EPB41L4A: variants seen among roughly 807,000 people sequenced by gnomAD.
EPB41L4A encodes the protein band 4.1-like protein 4A.
EPB41L4A carries 100 observed loss-of-function variants against 108.6 expected under a neutral mutation model. The observed-to-expected ratio is 0.92, with a 90% confidence interval of 0.78 to 1.09. The LOEUF is 1.09. Ranked by LOEUF, EPB41L4A falls within the 50% of genes least tolerant of loss-of-function variation. The pLI is 0.00. For synonymous variants in EPB41L4A, 319 were observed against 289.0 expected (o/e 1.10, Z -1.05); for missense variants, 1,030 against 842.7 (o/e 1.22, Z -2.75).
intron 11 of EPB41L4A, among the ~76,000 whole-genome samples, chr5:112,238,521 A>G (rs1426181580): frequency 1.3e-5 from 2 of 152,228 alleles, no homozygotes; most frequent in Non-Finnish European, 2.9e-5. Flanking sequence ...AGACCCAAAA[A>G]GTGCATTATA....
chr5:112,403,033 T>C (rs1761871337), intron 1 of EPB41L4A, among the ~76,000 whole-genome samples: 1 of 152,020 alleles, frequency 6.6e-6, no homozygotes, highest in Non-Finnish European at 1.5e-5. Context: ...ACCCTCAGCA[T>C]TTTTAAGTTG....
rs1747677140 is a variant in EPB41L4A at position 112,216,816 on chromosome 5, G to C, written c.1088-6834C>G. Reference sequence around the variant, plus strand: ...CTATTTCTCACATTGACAGCTCAAAGTGACTTTGCCTTAATTTCACCAACT... The same window carrying C: ...CTATTTCTCACATTGACAGCTCAAACTGACTTTGCCTTAATTTCACCAACT... On this transcript the variant is annotated intron_variant, in intron 12 of 22. Coordinates refer to ENST00000261486, the MANE Select transcript of EPB41L4A (RefSeq NM_022140.5). 3.9e-5 allele frequency among the ~76,000 whole-genome samples: 6 copies of C among 152,328 alleles called. No homozygotes were observed. In the South Asian group the frequency reaches 1.2e-3, roughly 32 times the overall value.
At chr5:112,182,961 A>G (rs1226309596) in intron 18 of EPB41L4A, among the ~76,000 whole-genome samples, 1 of 152,196 alleles carries the variant, frequency 6.6e-6, no homozygotes, top group Non-Finnish European at 1.5e-5. Context: ...CAGGTTTTCT[A>G]TTACAAAAGA....
chr5:112,350,646 T>C (rs1271760405), intron 1 of EPB41L4A, among the ~76,000 whole-genome samples: 1 of 152,194 alleles, frequency 6.6e-6, no homozygotes, highest in Non-Finnish European at 1.5e-5. Flanking sequence ...AAATACACCA[T>C]ACTGGGCCTC....
chr5:112,318,620 G>T (rs1192227041), intron 1 of EPB41L4A, among the ~76,000 whole-genome samples: 1 of 152,120 alleles, frequency 6.6e-6, no homozygotes, highest in Admixed American at 6.5e-5. Context: ...GAGAGAAGTT[G>T]CCCAGCCAAG....
intron 2 of EPB41L4A, among the ~76,000 whole-genome samples, chr5:112,285,246 A>C (rs956630405): frequency 2.0e-5 from 3 of 152,202 alleles, no homozygotes; most frequent in Non-Finnish European, 4.4e-5. Flanking sequence ...AAGCACACAC[A>C]GTTTTCATTA....
upstream of EPB41L4A, chr5:112,419,670 G>A: frequency 2.2e-6 from 1 of 456,604 alleles, no homozygotes; most frequent in Non-Finnish European, 4.4e-6. Flanking sequence ...GGGCAGAGGC[G>A]AAGGTCGTCG....
chr5:112,406,756 C>T (rs1488178269), intron 1 of EPB41L4A, among the ~76,000 whole-genome samples: 1 of 147,114 alleles, frequency 6.8e-6, no homozygotes, highest in Non-Finnish European at 1.5e-5. Flanking sequence ...TTCTTCCCTC[C>T]CATGCTGCAA....
At chr5:112,243,718 G>A (rs1194473358) in intron 9 of EPB41L4A, among the ~76,000 whole-genome samples, 1 of 152,134 alleles carries the variant, frequency 6.6e-6, no homozygotes, top group Non-Finnish European at 1.5e-5. Context: ...GATGGCTACT[G>A]TCCTTCAACC....
intron 1 of EPB41L4A, among the ~76,000 whole-genome samples, chr5:112,308,687 G>A (rs1332695760): frequency 6.6e-6 from 1 of 152,138 alleles, no homozygotes; most frequent in Admixed American, 6.5e-5. Flanking sequence ...ACAGTGGCCT[G>A]TAAATGTCTC....
Position 112,262,547 on chromosome 5 carries a change from A to G in EPB41L4A, c.589T>C (p.Leu197=), listed in dbSNP as rs756290967. 2 of 1,614,180 alleles carry G rather than the reference A, an allele frequency of 1.2e-6. No individual in the cohort carries two copies. The highest frequency in any genetic ancestry group is 3.3e-5 in the Admixed American group (2 of 60,030). ...QIPSEAELNY[L]RTAKSLEMYG... The stretch of plus-strand genomic sequence containing the variant: ...ATCTCCAGGGATTTGGCAGTCCTCA[A>G]GTAATTCAGCTCAGCCTCAGAAGGA... The change falls in exon 7 of 23, where the codon TTG becomes CTG. Residue 197 remains leucine, a synonymous_variant. Transcript: ENST00000261486.
At chr5:112,233,417 A>G (rs1337772723) in intron 12 of EPB41L4A, among the ~76,000 whole-genome samples, 2 of 152,258 alleles carry the variant, frequency 1.3e-5, no homozygotes, top group African/African-American at 2.4e-5. Context: ...CTACACACAT[A>G]TGTATACATG....
chr5:112,296,764 C>A (rs892645004), intron 2 of EPB41L4A, among the ~76,000 whole-genome samples: 1 of 151,886 alleles, frequency 6.6e-6, no homozygotes, highest in Non-Finnish European at 1.5e-5. Flanking sequence ...CCCTTCCTAC[C>A]CCTTCCCTCC....
upstream of EPB41L4A, chr5:112,419,453 C>T (rs1762949087): frequency 2.8e-6 from 1 of 361,718 alleles, no homozygotes; most frequent in Non-Finnish European, 5.4e-6. Flanking sequence ...CTTGGAAAAC[C>T]CTGGAAGCGC....
chr5:112,395,624 A>G (rs909913754), intron 1 of EPB41L4A, among the ~76,000 whole-genome samples: 50 of 152,326 alleles, frequency 3.3e-4, no homozygotes, highest in Non-Finnish European at 4.4e-4. Flanking sequence ...GTGGAGAAAT[A>G]GGAACACTTT....
At chr5:112,153,218 C>CA (rs1759532927) in intron 12 of EPB41L4A, among the ~76,000 whole-genome samples, 1 of 144,406 alleles carries the variant, frequency 6.9e-6, no homozygotes, top group African/African-American at 2.6e-5. Flanking sequence ...GATCCTGTCT[C>CA]AAAAATTTAA....
At chr5:112,286,124 T>C (rs1753262548) in intron 2 of EPB41L4A, among the ~76,000 whole-genome samples, 1 of 152,106 alleles carries the variant, frequency 6.6e-6, no homozygotes, top group Admixed American at 6.6e-5. Context: ...ACCCAATTCA[T>C]TGACCCTACT....
chr5:112,318,336 C>G (rs1300480214), intron 1 of EPB41L4A, among the ~76,000 whole-genome samples: 1 of 152,068 alleles, frequency 6.6e-6, no homozygotes, highest in Non-Finnish European at 1.5e-5. Context: ...ATCAGAATTC[C>G]CAGAGTAGAG....
chr5:112,322,852 A>C (rs1183890938), intron 1 of EPB41L4A, among the ~76,000 whole-genome samples: 1 of 151,918 alleles, frequency 6.6e-6, no homozygotes, highest in Non-Finnish European at 1.5e-5. Flanking sequence ...ATAACAACCC[A>C]TGTAAGGGGT....
Sources: allele counts gnomAD v4.1 joint callset (sites outside exome capture counted in the v4.1 genomes callset), GRCh38; gene constraint gnomAD v4.1.1; transcripts MANE v1.5; gene names NCBI Gene and HGNC (gene_info 2026-07-23, HGNC 2026-07-21).